The following MARK2 variants were observed in gnomAD, a reference collection of about 807,000 sequenced individuals.
MARK2 encodes serine/threonine-protein kinase MARK2.
A neutral mutation model predicts 89.8 loss-of-function variants in MARK2; 16 were observed. The ratio of observed to expected loss-of-function variants is 0.18; its 90% CI spans 0.12 to 0.27. MARK2 has a LOEUF of 0.27. MARK2 is among the 10% of genes least tolerant of loss of function. MARK2 has a pLI of 1.00. For synonymous variants in MARK2, 382 were observed against 399.5 expected, an observed-to-expected ratio of 0.96 and a Z score of 0.52; for missense variants, 621 against 1,049.9, an observed-to-expected ratio of 0.59 and a Z score of 5.65.
At chr11:63,856,868 CGCCATCTCG>C (rs2016890168) in intron 1 of MARK2, among the ~76,000 whole-genome samples, 1 of 137,834 alleles carries the variant, frequency 7.3e-6, no homozygotes, top group South Asian at 2.5e-4. Context: ...AGTGCAGTGG[CGCCATCTCG>C]GCTCACTGCA....
At chr11:63,853,313 C>T (rs940939875) in intron 1 of MARK2, among the ~76,000 whole-genome samples, 2 of 151,556 alleles carry the variant, frequency 1.3e-5, no homozygotes, top group Non-Finnish European at 2.9e-5. Flanking sequence ...GCAGGAGAAT[C>T]GTTTGAACCC....
intron 1 of MARK2, among the ~76,000 whole-genome samples, chr11:63,856,353 T>C (rs1238690521): frequency 6.7e-6 from 1 of 148,958 alleles, no homozygotes. Flanking sequence ...TATGGCTTGT[T>C]TATTCTTTTT....
chr11:63,900,454 T>C lies in MARK2; in HGVS notation c.769-105T>C. ...GCTGTCTGCCTTCTTCCATATTTCA[T>C]TTATGTCTGCTTTGCCAGGCTTAAG... On this transcript the variant is annotated intron_variant, in intron 8 of 18. Transcript: ENST00000402010. This position sits in a 1 kb window ranked among gnomAD's most constrained non-coding sequence, Gnocchi z 4.7. 7 of 1,363,096 alleles carry C rather than the reference T, an allele frequency of 5.1e-6. No individual in the cohort carries two copies. The highest frequency in any genetic ancestry group is 5.1e-6 in the Non-Finnish European group (5 of 986,652). 84.4% of individuals were successfully genotyped at this position (1,363,096 alleles called of 1,614,324 possible).
chr11:63,862,952 C>T (rs1263213720), intron 1 of MARK2, among the ~76,000 whole-genome samples: 2 of 152,056 alleles, frequency 1.3e-5, no homozygotes, highest in East Asian at 3.9e-4. Context: ...AACTCAGATT[C>T]TCTCTTACAA....
chr11:63,856,973 G>T (rs2016897324), intron 1 of MARK2, among the ~76,000 whole-genome samples: 1 of 150,408 alleles, frequency 6.6e-6, no homozygotes. Flanking sequence ...CACCATGCCC[G>T]GCTAATTTTT....
In MARK2 at chr11:63,909,396, T is replaced by G; in HGVS notation, c.*159T>G. ...CCTTCTCAGTTTTCTCTTACATGTT[T>G]GTGGGGGGTGGGAGATTGTTCTCCA... is the stretch of plus-strand genomic sequence containing the variant. On this transcript the variant is annotated 3_prime_UTR_variant, in exon 19 of 19. Coordinates refer to ENST00000402010, the MANE Select transcript of MARK2 (RefSeq NM_001039469.3). 8 of 705,414 alleles carry G rather than the reference T, an allele frequency of 1.1e-5. No individual in the cohort carries two copies. The highest frequency in any genetic ancestry group is 3.1e-5 in the East Asian group (1 of 32,190). The allele number at this position is 705,414 out of a possible 1,614,324, so 43.7% of individuals were successfully genotyped here.
At chr11:63,850,314 AATTTTTTTT>A (rs1321877980) in intron 1 of MARK2, among the ~76,000 whole-genome samples, 7 of 89,986 alleles carry the variant, frequency 7.8e-5, no homozygotes, top group African/African-American at 2.6e-4. Context: ...ATACCTGGCT[AATTTTTTTT>A]TTTTTTTTTT....
rs1403914778 is a variant in MARK2, at chr11:63,900,515, G to A, written c.769-44G>A. ...CTTGGATATTAGGTTTCTTCCTTTG[G>A]CCTTGGGGTGATTTCAATTTTCTAA... On this transcript the variant is annotated intron_variant, in intron 8 of 18. Transcript: ENST00000402010. The surrounding 1 kb of genome is among the most constrained non-coding windows in gnomAD (Gnocchi z 4.7). 1 of 1,607,626 alleles carries A rather than the reference G, an allele frequency of 6.2e-7. No individual in the cohort carries two copies. Among genetic ancestry groups the A allele is most frequent in the Admixed American group, 1.7e-5 (1 of 59,186 alleles).
intron 1 of MARK2, among the ~76,000 whole-genome samples, chr11:63,883,129 A>G (rs559014484): frequency 6.6e-6 from 1 of 152,330 alleles, no homozygotes; most frequent in East Asian, 1.9e-4. Context: ...CCTTGGCACC[A>G]TGTGGTACTG....
chr11:63,868,662 C>T (rs978674304), intron 1 of MARK2: 6 of 409,050 alleles, frequency 1.5e-5, no homozygotes, highest in African/African-American at 1.2e-4. Context: ...GCCCTCCTGG[C>T]TTTGCTGAGT....
At chr11:63,857,290 C>G (rs746521077) in intron 1 of MARK2, among the ~76,000 whole-genome samples, 21 of 152,236 alleles carry the variant, frequency 1.4e-4, no homozygotes, top group Non-Finnish European at 2.6e-4. Flanking sequence ...CCTCTGCCTT[C>G]CCAGTAGCTG....
chr11:63,856,781 T>G lies in MARK2; in HGVS notation c.54+17221T>G, dbSNP rs1486411973. Among the ~76,000 whole-genome samples, 75 of 12,772 alleles carry G rather than the reference T, an allele frequency of 5.9e-3. 1 individual carries two copies. Among genetic ancestry groups the G allele is most frequent in the African/African-American group, 0.037 (70 of 1,914 alleles). The allele number at this position is 12,772 out of a possible 152,430, so 8.4% of individuals were successfully genotyped here. A position where few individuals can be genotyped will look rare whatever the true frequency, so the allele number is the denominator to read the frequency against. ...TAAATTTTTCATGTTTTTTTTTTTTTTTTTTTTTTTTTTTTTTTTTTTTTG... is the reference window on the plus strand; with the variant it reads ...TAAATTTTTCATGTTTTTTTTTTTTGTTTTTTTTTTTTTTTTTTTTTTTTG... On this transcript the variant is annotated intron_variant, in intron 1 of 18. Transcript: ENST00000402010.
intron 1 of MARK2, among the ~76,000 whole-genome samples, chr11:63,871,513 C>G (rs1216753221): frequency 8.9e-5 from 11 of 124,050 alleles, no homozygotes; most frequent in Admixed American, 2.5e-4. Flanking sequence ...GCAGGTGTGG[C>G]TGAAGAGTAT....
At chr11:63,872,669 C>G (rs775248812) in intron 1 of MARK2, among the ~76,000 whole-genome samples, 58 of 152,090 alleles carry the variant, frequency 3.8e-4, no homozygotes, top group Non-Finnish European at 1.0e-4. Context: ...GGGACCAACC[C>G]GCTTCTACCG....
In MARK2 at chr11:63,849,779, G is replaced by A. The variant is rs902884898; in HGVS notation, c.54+10219G>A. Among the ~76,000 whole-genome samples, 10 of 152,032 alleles carry A rather than the reference G, an allele frequency of 6.6e-5. 1 individual carries two copies. The highest frequency in any genetic ancestry group is 1.9e-4 in the African/African-American group (8 of 41,396). ...AACAAACAATAAGAGCAGGTTTTGC[G>A]GCTAGATTTCCTGTATTGGAATCCT... On this transcript the variant is annotated intron_variant, in intron 1 of 18. Coordinates refer to ENST00000402010, the MANE Select transcript of MARK2 (RefSeq NM_001039469.3).
At chr11:63,869,374 T>TGG (rs983061981) in intron 1 of MARK2, 6 of 166,640 alleles carry the variant, frequency 3.6e-5, no homozygotes, top group African/African-American at 1.4e-4. Context: ...ATGCTGCAGG[T>TGG]GGGGGCAAGT....
chr11:63,854,111 G>A (rs1388224650), intron 1 of MARK2, among the ~76,000 whole-genome samples: 2 of 151,826 alleles, frequency 1.3e-5, no homozygotes, highest in Admixed American at 6.6e-5. Context: ...GACCTCAGGT[G>A]ATCCACCTGC....
Position 63,902,499 on chromosome 11 carries a change from C to A in MARK2, c.1235-102C>A. 1 of 1,390,442 alleles carries A rather than the reference C, an allele frequency of 7.2e-7. No individual in the cohort carries two copies. Among genetic ancestry groups the A allele is most frequent in the Non-Finnish European group, 1.0e-6 (1 of 1,002,916 alleles). 86.1% of individuals were successfully genotyped at this position (1,390,442 alleles called of 1,614,324 possible). Reference sequence around the variant, plus strand: ...TTCCCTCGCCTCTGTGGAATGGGGGCTTGCTGGGTTGTTGGCCAGCCCTGT... The same window carrying A: ...TTCCCTCGCCTCTGTGGAATGGGGGATTGCTGGGTTGTTGGCCAGCCCTGT... On this transcript the variant is annotated intron_variant, in intron 12 of 18. Coordinates refer to ENST00000402010, the MANE Select transcript of MARK2 (RefSeq NM_001039469.3). The surrounding 1 kb of genome is among the most constrained non-coding windows in gnomAD (Gnocchi z 4.2).
intron 11 of MARK2, among the ~76,000 whole-genome samples, chr11:63,901,448 TCTGATCGGAA>T (rs1198483661): frequency 6.8e-6 from 1 of 147,270 alleles, no homozygotes; most frequent in Non-Finnish European, 1.5e-5. Flanking sequence ...TCTGTGTGTG[TCTGATCGGAA>T]GTTTGAGTCT....
Sources: gnomAD v4.1 joint callset for allele counts (sites outside exome capture counted in the v4.1 genomes callset) on GRCh38, gnomAD v4.1.1 for gene constraint, Gnocchi (gnomAD v3.1) non-coding constraint, MANE v1.5 for transcripts, NCBI Gene and HGNC (gene_info 2026-07-23, HGNC 2026-07-21) for gene names.